CSMD1: variants seen among roughly 807,000 people sequenced by gnomAD.
CSMD1 encodes the protein CUB and Sushi multiple domains 1, also known as CUB and sushi domain-containing protein 1.
A neutral mutation model predicts 417.5 loss-of-function variants in CSMD1; 213 were observed. The ratio of observed to expected loss-of-function variants is 0.51; its 90% CI spans 0.46 to 0.57. The LOEUF is 0.57. Among genes scored for constraint, CSMD1 ranks in the 20% least tolerant of loss-of-function variants. The pLI is 0.00. For synonymous variants in CSMD1, 2,862 were observed against 1,736.8 expected, an observed-to-expected ratio of 1.65 and a Z score of -16.11; for missense variants, 6,923 against 4,529.7, an observed-to-expected ratio of 1.53 and a Z score of -15.17.
chr8:4,736,698 A>G (rs1810268231), intron 1 of CSMD1, among the ~76,000 whole-genome samples: 1 of 152,204 alleles, frequency 6.6e-6, no homozygotes, highest in Admixed American at 6.5e-5. Context: ...AGGAAAAAGA[A>G]TAATTTAAGA....
intron 21 of CSMD1, among the ~76,000 whole-genome samples, chr8:3,348,650 G>A (rs1808178232): frequency 6.6e-6 from 1 of 152,154 alleles, no homozygotes; most frequent in South Asian, 2.1e-4. Context: ...CCAAACCACT[G>A]AGTTATCTTC....
chr8:3,316,769 G>A (rs1314878326), intron 23 of CSMD1, among the ~76,000 whole-genome samples: 3 of 152,178 alleles, frequency 2.0e-5, no homozygotes, highest in Non-Finnish European at 4.4e-5. Flanking sequence ...GCAGCACCAA[G>A]GAGTGGAGAC....
chr8:4,542,050 C>T (rs1056424216), intron 2 of CSMD1, among the ~76,000 whole-genome samples: 4 of 152,038 alleles, frequency 2.6e-5, no homozygotes, highest in African/African-American at 7.2e-5. Flanking sequence ...GCCTGAAGTC[C>T]CCGTGTGCAA....
chr8:4,649,709 G>T (rs1386275868), intron 1 of CSMD1, among the ~76,000 whole-genome samples: 1 of 152,320 alleles, frequency 6.6e-6, no homozygotes, highest in South Asian at 2.1e-4. Flanking sequence ...AAACGTTTTT[G>T]TGTATCTGAG....
chr8:4,149,684 A>G (rs1246863842), intron 3 of CSMD1, among the ~76,000 whole-genome samples: 1 of 152,216 alleles, frequency 6.6e-6, no homozygotes, highest in Non-Finnish European at 1.5e-5. Flanking sequence ...CTGAAGGAAT[A>G]AACAATGCTG....
intron 3 of CSMD1, among the ~76,000 whole-genome samples, chr8:4,243,823 C>G (rs182359875): frequency 1.0e-3 from 157 of 152,196 alleles, no homozygotes; most frequent in Non-Finnish European, 1.7e-3. Context: ...TACAATGAAA[C>G]AAAGATGTAT....
chr8:4,734,692 G>C (rs1157576378), intron 1 of CSMD1, among the ~76,000 whole-genome samples: 1 of 151,900 alleles, frequency 6.6e-6, no homozygotes, highest in Non-Finnish European at 1.5e-5. Flanking sequence ...GACATGAGTG[G>C]GCCGTTCAAG....
chr8:3,677,808 A>G (rs1022946560), intron 7 of CSMD1, among the ~76,000 whole-genome samples: 11 of 152,218 alleles, frequency 7.2e-5, no homozygotes, highest in Admixed American at 5.9e-4. Context: ...AAACCAGTAG[A>G]TGACATAAAA....
intron 5 of CSMD1, among the ~76,000 whole-genome samples, chr8:3,934,622 A>G (rs1364655770): frequency 1.3e-5 from 2 of 152,132 alleles, no homozygotes; most frequent in African/African-American, 4.8e-5. Flanking sequence ...TGGCAGGCCA[A>G]GGAGGTAGAT....
chr8:3,473,703 T>C (rs1470210280), intron 11 of CSMD1, among the ~76,000 whole-genome samples: 1 of 152,222 alleles, frequency 6.6e-6, no homozygotes, highest in Non-Finnish European at 1.5e-5. Flanking sequence ...CATTTCATTA[T>C]AACAATGATG....
At chr8:4,127,542 C>A (rs11781286) in intron 3 of CSMD1, among the ~76,000 whole-genome samples, 61,230 of 150,646 alleles carry the variant, frequency 0.41, 12,718 homozygotes, top group Non-Finnish European at 0.44. Context: ...CTTTGGTTTT[C>A]CTAGTCAGTT....
intron 3 of CSMD1, among the ~76,000 whole-genome samples, chr8:4,217,404 A>ATAG (rs1800749409): frequency 6.6e-6 from 1 of 152,190 alleles, no homozygotes; most frequent in Non-Finnish European, 1.5e-5. Context: ...TAACTCTAAT[A>ATAG]TAGTTTGACA....
At chr8:4,844,480 A>G (rs1454456309) in intron 1 of CSMD1, among the ~76,000 whole-genome samples, 2 of 152,078 alleles carry the variant, frequency 1.3e-5, no homozygotes, top group African/African-American at 4.8e-5. Flanking sequence ...TTTGCTCATA[A>G]CAGCCTCAAT....
At chr8:4,269,875 T>A (rs561194383) in intron 3 of CSMD1, among the ~76,000 whole-genome samples, 1 of 152,280 alleles carries the variant, frequency 6.6e-6, no homozygotes, top group Non-Finnish European at 1.5e-5. Context: ...TATTGCATCA[T>A]TACTGGAGTT....
chr8:3,263,667 A>C (rs1274338552), intron 26 of CSMD1, among the ~76,000 whole-genome samples: 1 of 152,230 alleles, frequency 6.6e-6, no homozygotes, highest in Non-Finnish European at 1.5e-5. Context: ...AAAATGTAAA[A>C]CATAAAAATA....
At chr8:4,259,234 G>A (rs1344720941) in intron 3 of CSMD1, among the ~76,000 whole-genome samples, 2 of 152,080 alleles carry the variant, frequency 1.3e-5, no homozygotes, top group Non-Finnish European at 2.9e-5. Flanking sequence ...AGAGAATGCG[G>A]GACACAGACA....
At chr8:3,883,831 G>A (rs192797728) in intron 5 of CSMD1, among the ~76,000 whole-genome samples, 1 of 152,006 alleles carries the variant, frequency 6.6e-6, no homozygotes, top group East Asian at 1.9e-4. Flanking sequence ...TCAGAGGAAT[G>A]AATGCATTTA....
intron 1 of CSMD1, among the ~76,000 whole-genome samples, chr8:4,929,339 T>C (rs1287987874): frequency 2.6e-5 from 4 of 152,148 alleles, no homozygotes; most frequent in Non-Finnish European, 4.4e-5. Context: ...CCACCTACCC[T>C]ATCACAGTTT....
chr8:4,220,880 T>G (rs369000787), intron 3 of CSMD1, among the ~76,000 whole-genome samples: 6 of 152,244 alleles, frequency 3.9e-5, no homozygotes, highest in African/African-American at 1.4e-4. Context: ...TAAGAAGATT[T>G]GGGACTGGAT....
Sources: allele counts gnomAD v4.1 joint callset (sites outside exome capture counted in the v4.1 genomes callset), GRCh38; gene constraint gnomAD v4.1.1; transcripts MANE v1.5; gene names NCBI Gene and HGNC (gene_info 2026-07-23, HGNC 2026-07-21).